PPARGC1B: variants seen among roughly 807,000 people sequenced by gnomAD.
PPARGC1B encodes the protein PPARG coactivator 1 beta, also known as peroxisome proliferator-activated receptor gamma coactivator 1-beta.
In PPARGC1B, 34 loss-of-function variants were observed where a neutral mutation model predicts 101.6. The observed-to-expected ratio is 0.33, with a 90% CI of 0.25 to 0.45. The LOEUF is 0.45. Among genes scored for constraint, PPARGC1B ranks in the 20% least tolerant of loss-of-function variants. The pLI is 1.00. For synonymous variants in PPARGC1B, 548 were observed against 539.3 expected, an observed-to-expected ratio of 1.02 and a Z score of -0.22; for missense variants, 1,234 against 1,317.6, an observed-to-expected ratio of 0.94 and a Z score of 0.98.
intron 1 of PPARGC1B, among the ~76,000 whole-genome samples, chr5:149,781,808 C>T (rs992950084): frequency 1.3e-5 from 2 of 152,220 alleles, no homozygotes; most frequent in Admixed American, 1.3e-4. Flanking sequence ...ACACTCTTTC[C>T]TGCTGATCTT....
chr5:149,797,870 G>C (rs1042410275), intron 1 of PPARGC1B, among the ~76,000 whole-genome samples: 1 of 152,160 alleles, frequency 6.6e-6, no homozygotes. Context: ...GCAGTGAGCC[G>C]AGATTGCACC....
intron 1 of PPARGC1B, among the ~76,000 whole-genome samples, chr5:149,767,471 G>A (rs1460830077): frequency 1.3e-5 from 2 of 152,168 alleles, no homozygotes; most frequent in Non-Finnish European, 2.9e-5. Context: ...TGGAGAGATG[G>A]CATTAGGATG....
At chr5:149,857,185 A>G (rs1759977065), downstream of PPARGC1B, among the ~76,000 whole-genome samples, 1 of 152,194 alleles carries the variant, frequency 6.6e-6, no homozygotes, top group Non-Finnish European at 1.5e-5. Context: ...GGAGCTAGTA[A>G]CAGTTTCTCC....
In PPARGC1B at chr5:149,835,373, AG is replaced by A. The variant is rs776091872; in HGVS notation, c.1807+13del. On this transcript the variant is annotated intron_variant, in intron 7 of 11. Transcript: ENST00000309241. Reference sequence around the variant, plus strand: ...AGCTCTGTGGCACAGCAGGTGAGCCAGGGGGCTTCCACTGGCAGGTGCCTTC... The same window carrying A: ...AGCTCTGTGGCACAGCAGGTGAGCCAGGGGCTTCCACTGGCAGGTGCCTTC... 1 of 1,613,650 alleles carries A rather than the reference AG, an allele frequency of 6.2e-7. No homozygotes were observed. The highest frequency in any genetic ancestry group is 1.1e-5 in the South Asian group (1 of 91,032).
intron 1 of PPARGC1B, among the ~76,000 whole-genome samples, chr5:149,790,531 C>T (rs1025222028): frequency 2.6e-5 from 4 of 152,132 alleles, no homozygotes; most frequent in African/African-American, 9.7e-5. Flanking sequence ...GCCTGCACTT[C>T]CTGGAGGCCT....
At chr5:149,744,122 C>G (rs1472668692) in intron 1 of PPARGC1B, among the ~76,000 whole-genome samples, 1 of 152,192 alleles carries the variant, frequency 6.6e-6, no homozygotes, top group Non-Finnish European at 1.5e-5. Flanking sequence ...ACTTGGGGAC[C>G]AGTGACCACA....
chr5:149,836,338 T>G lies in PPARGC1B; in HGVS notation c.1883T>G (p.Leu628Arg). The change falls in exon 8 of 12, where the codon CTA becomes CGA. Residue 628 changes from leucine (L) to arginine (R), a missense_variant. Transcript: ENST00000309241. The stretch of plus-strand genomic sequence containing the variant: ...TTCAAACCAGACATCAAGCATAGTC[T>G]AGGCAAAGAAATAGCTCTCAGCCTC... ...DPFKPDIKHS[L>R]GKEIALSLPS... 1 of 1,613,966 alleles carries G rather than the reference T, an allele frequency of 6.2e-7. No homozygotes were observed. Among genetic ancestry groups the G allele is most frequent in the Non-Finnish European group, 8.5e-7 (1 of 1,179,972 alleles).
At chr5:149,775,375 A>G (rs1471796295) in intron 1 of PPARGC1B, among the ~76,000 whole-genome samples, 1 of 151,950 alleles carries the variant, frequency 6.6e-6, no homozygotes, top group Non-Finnish European at 1.5e-5. Flanking sequence ...CTTTCCCTTC[A>G]CAGAGGCTCA....
rs369909469 is a variant in PPARGC1B, at chr5:149,826,630, C to A, written c.253-43C>A. 3.9e-5 allele frequency: 57 copies of A among 1,473,144 alleles called. No homozygotes were observed. The Middle Eastern group carries it at 6.9e-4, about 18-fold the overall frequency. 91.3% of individuals were successfully genotyped at this position (1,473,144 alleles called of 1,614,324 possible). ...TGAGTCTAAGGTGGTGACTAACCAT[C>A]TCCCCATCTGCCTTTCTGACCCTCC... On this transcript the variant is annotated intron_variant, in intron 2 of 11. Coordinates refer to ENST00000309241, the MANE Select transcript of PPARGC1B (RefSeq NM_133263.4).
At chr5:149,818,995 C>T (rs1002158174) in intron 1 of PPARGC1B, 4 of 405,240 alleles carry the variant, frequency 9.9e-6, no homozygotes, top group Non-Finnish European at 2.0e-5. Context: ...GTGTCAGCCC[C>T]CCAACTCAGG....
rs1759068777 is a variant in PPARGC1B, at chr5:149,836,254, C to A, written c.1808-9C>A. 6.5e-7 allele frequency: 1 copy of A among 1,539,206 alleles called. No individual in the cohort carries two copies. The highest frequency in any genetic ancestry group is 1.4e-5 in the African/African-American group (1 of 71,958). On this transcript the variant is annotated splice_polypyrimidine_tract_variant and intron_variant, in intron 7 of 11. Transcript: ENST00000309241. Reference sequence around the variant, plus strand: ...TCTTTATCTTACCTTTCTCCTCTTCCTCGGGCAGGACTCACCCCACCCACC... The same window carrying A: ...TCTTTATCTTACCTTTCTCCTCTTCATCGGGCAGGACTCACCCCACCCACC...
In PPARGC1B at chr5:149,836,357, C is replaced by A. The variant is rs1759074859; in HGVS notation, c.1902C>A (p.Leu634=). 4 of 1,613,982 alleles carry A rather than the reference C, an allele frequency of 2.5e-6. No homozygotes were observed. In the African/African-American group the frequency reaches 5.3e-5, roughly 22 times the overall value. ...IKHSLGKEIA[L]SLPSPEGLSL... ...ATAGTCTAGGCAAAGAAATAGCTCT[C>A]AGCCTCCCCTCCCCTGAGGGCCTCT... The change falls in exon 8 of 12, where the codon CTC becomes CTA. Residue 634 remains leucine (L), a synonymous_variant. Transcript: ENST00000309241.
At chr5:149,736,399 T>C (rs946711004) in intron 1 of PPARGC1B, among the ~76,000 whole-genome samples, 10 of 151,824 alleles carry the variant, frequency 6.6e-5, no homozygotes, top group Non-Finnish European at 1.2e-4. Flanking sequence ...AAGAGAAGCA[T>C]AATTCTTATT....
intron 1 of PPARGC1B, among the ~76,000 whole-genome samples, chr5:149,785,921 T>G (rs538935351): frequency 6.6e-6 from 1 of 151,394 alleles, no homozygotes; most frequent in African/African-American, 2.4e-5. Flanking sequence ...CATTCTTTTT[T>G]TTTTTTTTTT....
chr5:149,837,123 T>C lies in PPARGC1B; in HGVS notation c.2618+50T>C. 6.5e-7 allele frequency: 1 copy of C among 1,536,692 alleles called. No homozygotes were observed. ...GGCAGCGGGCAGTGGAGGATCCCAG[T>C]TCCCGGGGAGCCAGGAGCCCCAGGA... On this transcript the variant is annotated intron_variant, in intron 8 of 11. Transcript: ENST00000309241. The surrounding 1 kb of genome is among the most constrained non-coding windows in gnomAD (Gnocchi z 4.2).
At chr5:149,731,910 A>T (rs1036078560) in intron 1 of PPARGC1B, among the ~76,000 whole-genome samples, 1 of 151,930 alleles carries the variant, frequency 6.6e-6, no homozygotes, top group Non-Finnish European at 1.5e-5. Context: ...GCCGCTGCGT[A>T]GGGGAGCCGC....
At chr5:149,803,723 C>T (rs1469877218) in intron 1 of PPARGC1B, among the ~76,000 whole-genome samples, 2 of 152,150 alleles carry the variant, frequency 1.3e-5, no homozygotes, top group Non-Finnish European at 2.9e-5. Flanking sequence ...CCACCCCCAC[C>T]CCAGGACACA....
chr5:149,768,020 G>T (rs1233826709), intron 1 of PPARGC1B, among the ~76,000 whole-genome samples: 1 of 151,966 alleles, frequency 6.6e-6, no homozygotes, highest in African/African-American at 2.4e-5. Flanking sequence ...CCATCTGGGG[G>T]TGATGGGAGA....
At chr5:149,765,377 A>G (rs1336654606) in intron 1 of PPARGC1B, among the ~76,000 whole-genome samples, 2 of 152,186 alleles carry the variant, frequency 1.3e-5, no homozygotes, top group African/African-American at 2.4e-5. Flanking sequence ...GAGCAGAACC[A>G]TCTCTGGAGC....
Sources: allele counts gnomAD v4.1 joint callset (sites outside exome capture counted in the v4.1 genomes callset), GRCh38; gene constraint gnomAD v4.1.1; non-coding constraint Gnocchi (gnomAD v3.1); transcripts MANE v1.5; gene names NCBI Gene and HGNC (gene_info 2026-07-23, HGNC 2026-07-21).